MAP3K12: variants seen among roughly 807,000 people sequenced by gnomAD.
MAP3K12 encodes mitogen-activated protein kinase kinase kinase 12.
Under a neutral mutation model 87.5 loss-of-function variants are expected in MAP3K12, and 14 were observed. That is an observed-to-expected ratio of 0.16 (90% CI 0.11 to 0.25). MAP3K12 has a LOEUF of 0.25. MAP3K12 is among the 10% of genes least tolerant of loss of function. The probability of loss-of-function intolerance (pLI) is 1.00; values close to 1 mark genes in which losing one functional copy is unlikely to be tolerated. For synonymous variants in MAP3K12, 469 were observed against 452.5 expected, an observed-to-expected ratio of 1.04 and a Z score of -0.46; for missense variants, 802 against 1,140.4, an observed-to-expected ratio of 0.70 and a Z score of 4.27.
At chr12:53,483,780 G>T in intron 8 of MAP3K12, 57 bp from the exon 9 acceptor site, 2 of 1,612,450 alleles carry the variant, frequency 1.2e-6, no homozygotes, top group Admixed American at 1.7e-5. Context: ...GGCCATAACA[G>T]ATCTCAGTCT....
At chr12:53,488,522 G>A (rs1485378524) in intron 1 of MAP3K12, among the ~76,000 whole-genome samples, 2 of 152,164 alleles carry the variant, frequency 1.3e-5, no homozygotes, top group East Asian at 1.9e-4. Context: ...TTAGCTAGGC[G>A]TGGTGGCACA....
chr12:53,487,580 A>G (rs534797855), intron 1 of MAP3K12, 152 bp from the exon 2 acceptor site: 1 of 697,726 alleles, frequency 1.4e-6, no homozygotes, highest in South Asian at 2.2e-5. Flanking sequence ...GGCCCTCCAA[A>G]TTGCACCTTG....
chr12:53,486,007 G>A lies in MAP3K12; in HGVS notation c.821+49C>T, dbSNP rs553272386. ...AGCCGGGAGAAGGCCACACTGACTT[G>A]AGTGGGTCACCTGCATGCACATCTG... On this transcript the variant is annotated intron_variant, in intron 4 of 13. Coordinates refer to ENST00000547488, the MANE Select transcript of MAP3K12 (RefSeq NM_001193511.2). This position sits in a 1 kb window ranked among gnomAD's most constrained non-coding sequence, Gnocchi z 4.9. The A allele has an allele frequency of 1.3e-6, 2 of 1,542,146 alleles. No homozygotes were observed. Among genetic ancestry groups the A allele is most frequent in the East Asian group, 2.3e-5 (1 of 44,264 alleles).
intron 1 of MAP3K12, among the ~76,000 whole-genome samples, chr12:53,499,010 G>T (rs1943612976): frequency 7.5e-6 from 1 of 133,392 alleles, no homozygotes; most frequent in Admixed American, 8.2e-5. Context: ...GTGTGGAGAT[G>T]GTGGGTATAT....
intron 1 of MAP3K12, among the ~76,000 whole-genome samples, chr12:53,492,110 G>T (rs1943428425): frequency 6.6e-6 from 1 of 151,346 alleles, no homozygotes; most frequent in Admixed American, 6.6e-5. Context: ...AGAAAAAGAA[G>T]CTCAAGCTTC....
chr12:53,488,973 G>A (rs201252082), intron 1 of MAP3K12, among the ~76,000 whole-genome samples: 4 of 151,276 alleles, frequency 2.6e-5, no homozygotes, highest in Non-Finnish European at 4.4e-5. Context: ...CCAGCTACTC[G>A]GGAGGCTGAG....
chr12:53,489,079 C>CA (rs925604046), intron 1 of MAP3K12, among the ~76,000 whole-genome samples: 2,261 of 45,666 alleles, frequency 0.05, 62 homozygotes, highest in African/African-American at 0.082. Context: ...AACTCTGTCT[C>CA]AAAAAAAAAA....
rs1207030830 is a variant in MAP3K12 at position 53,483,648 on chromosome 12, G to A, written c.1434C>T (p.Ala478=). ...RANNLYMELN[A]LMLQLELKER... ...CCTTGAGTTCCAGCTGCAACATGAG[G>A]GCATTAAGTTCCATATACAGGTTGT... The change falls in exon 9 of 14, where the codon GCC becomes GCT. Residue 478 remains alanine (A), a synonymous_variant. Coordinates refer to ENST00000547488, the MANE Select transcript of MAP3K12 (RefSeq NM_001193511.2). The A allele has an allele frequency of 6.2e-7, 1 of 1,613,874 alleles. No homozygotes were observed. Among genetic ancestry groups the A allele is most frequent in the Non-Finnish European group, 8.5e-7 (1 of 1,180,020 alleles).
Position 53,482,577 on chromosome 12 carries a change from G to A in MAP3K12, c.2226C>T (p.Val742=). 1 of 1,605,510 alleles carries A rather than the reference G, an allele frequency of 6.2e-7. No individual in the cohort carries two copies. The highest frequency in any genetic ancestry group is 2.2e-5 in the East Asian group (1 of 44,776). Reference sequence around the variant, plus strand: ...TCCCATACTTTACCTGACTTCGGGTGACGGCAGCCCTGTACAGCAGTGCAG... The same window carrying A: ...TCCCATACTTTACCTGACTTCGGGTAACGGCAGCCCTGTACAGCAGTGCAG... The part of the protein sequence containing the change: ...TPAALLYRAA[V]TRSQKRGISS... The change falls in exon 11 of 14, where the codon GTC becomes GTT. Residue 742 remains valine (V), a synonymous_variant. Coordinates refer to ENST00000547488, the MANE Select transcript of MAP3K12 (RefSeq NM_001193511.2).
In MAP3K12 at chr12:53,483,195, AGAAGAG is replaced by A; in HGVS notation, c.1614-12_1614-7del. 2 of 1,525,648 alleles carry A rather than the reference AGAAGAG, an allele frequency of 1.3e-6. No individual in the cohort carries two copies. The highest frequency in any genetic ancestry group is 1.8e-6 in the Non-Finnish European group (2 of 1,138,900). The allele number at this position is 1,525,648 out of a possible 1,614,324, so 94.5% of individuals were successfully genotyped here. On this transcript the variant is annotated splice_region_variant and splice_polypyrimidine_tract_variant and intron_variant, in intron 10 of 13. Coordinates refer to ENST00000547488, the MANE Select transcript of MAP3K12 (RefSeq NM_001193511.2). ...CCGTCTTGAGGATATCTGGCCTGGAAGAAGAGGAAAAGTAAAAGGTTAAGACTGCCA... is the reference window on the plus strand; with the variant it reads ...CCGTCTTGAGGATATCTGGCCTGGAAGAAAAGTAAAAGGTTAAGACTGCCA...
chr12:53,485,620 A>G (rs1250588887), intron 4 of MAP3K12, 145 bp from the exon 5 acceptor site: 8 of 870,316 alleles, frequency 9.2e-6, no homozygotes, highest in South Asian at 3.3e-5. Flanking sequence ...CAGTGGCTCA[A>G]TCTCGGCTCA....
intron 5 of MAP3K12, 47 bp downstream of exon 5, chr12:53,485,270 C>G: frequency 6.2e-7 from 1 of 1,604,658 alleles, no homozygotes; most frequent in South Asian, 1.1e-5. Context: ...CCACAATCCC[C>G]CCAGGGCTGG....
In MAP3K12 at chr12:53,496,569, A is replaced by G. The variant is rs139477434; in HGVS notation, c.-38+2858T>C. On this transcript the variant is annotated intron_variant, in intron 1 of 13. Coordinates refer to ENST00000547488, the MANE Select transcript of MAP3K12 (RefSeq NM_001193511.2). Reference sequence around the variant, plus strand: ...GATAGACCAGGAAGAAGTTCAGCGGATGTTAACAAATATAGTTCCTCAACG... The same window carrying G: ...GATAGACCAGGAAGAAGTTCAGCGGGTGTTAACAAATATAGTTCCTCAACG... Among the ~76,000 whole-genome samples the G allele has an allele frequency of 7.2e-5, 11 of 152,322 alleles. No individual in the cohort carries two copies. The East Asian group carries it at 2.1e-3, about 29-fold the overall frequency.
chr12:53,492,113 C>G (rs1007032708), intron 1 of MAP3K12, among the ~76,000 whole-genome samples: 1 of 151,694 alleles, frequency 6.6e-6, no homozygotes, highest in African/African-American at 2.4e-5. Context: ...AAAAGAAGCT[C>G]AAGCTTCACC....
At chr12:53,488,906 C>T (rs890632703) in intron 1 of MAP3K12, among the ~76,000 whole-genome samples, 4 of 148,890 alleles carry the variant, frequency 2.7e-5, no homozygotes, top group Admixed American at 2.1e-4. Context: ...ATGGCGAAAC[C>T]CTGTCTCTAC....
At chr12:53,493,466 G>A (rs1943471684) in intron 1 of MAP3K12, among the ~76,000 whole-genome samples, 1 of 152,148 alleles carries the variant, frequency 6.6e-6, no homozygotes, top group Admixed American at 6.5e-5. Flanking sequence ...ATGAGAGAAA[G>A]GGAGACAGGG....
Position 53,487,084 on chromosome 12 carries a change from G to A in MAP3K12, c.308C>T (p.Ser103Phe). Residue 103 changes from serine to phenylalanine, a missense_variant, in exon 2 of 14, where the codon TCC becomes TTC. Transcript: ENST00000547488. ...GAAGSPESRA[S>F]RVRADEVRLQ... The stretch of plus-strand genomic sequence containing the variant: ...TCGCACCTCGTCAGCTCGAACTCTG[G>A]ATGCCCGACTCTCAGGTGACCCAGC... The A allele has an allele frequency of 6.2e-7, 1 of 1,613,994 alleles. No individual in the cohort carries two copies. Among genetic ancestry groups the A allele is most frequent in the Non-Finnish European group, 8.5e-7 (1 of 1,179,994 alleles).
chr12:53,491,097 G>C (rs1295312932), intron 1 of MAP3K12, among the ~76,000 whole-genome samples: 1 of 151,704 alleles, frequency 6.6e-6, no homozygotes, highest in African/African-American at 2.4e-5. Flanking sequence ...AGACCAGCCT[G>C]GGCAACACGG....
At chr12:53,485,986 G>C in intron 4 of MAP3K12, 70 bp downstream of exon 4, 1 of 1,452,520 alleles carries the variant, frequency 6.9e-7, no homozygotes, top group Non-Finnish European at 9.4e-7. Flanking sequence ...TTTGGAAGCC[G>C]GGAGAAGGCC....
Sources: allele counts gnomAD v4.1 joint callset (sites outside exome capture counted in the v4.1 genomes callset), GRCh38; gene constraint gnomAD v4.1.1; non-coding constraint Gnocchi (gnomAD v3.1); transcripts MANE v1.5; gene names NCBI Gene and HGNC (gene_info 2026-07-23, HGNC 2026-07-21).